Variants in PLXDC1 observed in about 807,000 individuals in gnomAD.
PLXDC1 encodes the protein plexin domain-containing protein 1.
A neutral mutation model predicts 61.3 loss-of-function variants in PLXDC1; 39 were observed. The ratio of observed to expected loss-of-function variants is 0.64; its 90% CI spans 0.49 to 0.83. The LOEUF is 0.83. Among genes scored for constraint, PLXDC1 ranks in the 40% least tolerant of loss-of-function variants. The probability of loss-of-function intolerance (pLI) is 0.00; values close to 1 mark genes in which losing one functional copy is unlikely to be tolerated. For synonymous variants in PLXDC1, 212 were observed against 254.5 expected (o/e 0.83, Z 1.59); for missense variants, 596 against 666.5 (o/e 0.89, Z 1.17).
At chr17:39,101,515 G>A (rs1437634046) in intron 7 of PLXDC1, among the ~76,000 whole-genome samples, 1 of 152,152 alleles carries the variant, frequency 6.6e-6, no homozygotes, top group South Asian at 2.1e-4. Flanking sequence ...GGTGAGGTGC[G>A]AGCCCCACAC....
chr17:39,099,153 C>T (rs1474663607), intron 7 of PLXDC1, among the ~76,000 whole-genome samples: 1 of 144,426 alleles, frequency 6.9e-6, no homozygotes, highest in Non-Finnish European at 1.5e-5. Context: ...TCCAACCGCT[C>T]CCACCACCGA....
chr17:39,099,434 G>T (rs1750799439), intron 7 of PLXDC1, among the ~76,000 whole-genome samples: 1 of 152,146 alleles, frequency 6.6e-6, no homozygotes, highest in South Asian at 2.1e-4. Context: ...ACACATCCCT[G>T]CCCCGACAGT....
chr17:39,076,091 G>GAAAAAAAAAAA (rs113083788), intron 11 of PLXDC1, among the ~76,000 whole-genome samples: 3 of 88,600 alleles, frequency 3.4e-5, no homozygotes, highest in East Asian at 3.1e-4. Context: ...AAAAAAAAAA[G>GAAAAAAAAAAA]AAAAAAAAAA....
chr17:39,146,090 A>ATTTTTTT (rs2045340819), intron 1 of PLXDC1, among the ~76,000 whole-genome samples: 1 of 97,250 alleles, frequency 1.0e-5, no homozygotes, highest in African/African-American at 6.3e-5. Flanking sequence ...TTTTTTTTTG[A>ATTTTTTT]GAGGGAATCT....
intron 2 of PLXDC1, among the ~76,000 whole-genome samples, chr17:39,132,704 C>T (rs941384677): frequency 5.9e-5 from 9 of 152,038 alleles, no homozygotes; most frequent in African/African-American, 2.2e-4. Flanking sequence ...GGCAGCTGGG[C>T]AGAGGGTCTG....
At chr17:39,147,536 A>G (rs984408283) in intron 1 of PLXDC1, among the ~76,000 whole-genome samples, 2 of 152,216 alleles carry the variant, frequency 1.3e-5, no homozygotes, top group African/African-American at 4.8e-5. Context: ...CCTCCAAGTT[A>G]CAAAGCCCCT....
At chr17:39,121,304 C>T (rs1025750597) in intron 2 of PLXDC1, among the ~76,000 whole-genome samples, 11 of 152,160 alleles carry the variant, frequency 7.2e-5, no homozygotes, top group African/African-American at 2.4e-4. Flanking sequence ...ATGACTTTGC[C>T]GGTAACTTCT....
At chr17:39,128,362 C>T (rs1911421337) in intron 2 of PLXDC1, among the ~76,000 whole-genome samples, 1 of 151,220 alleles carries the variant, frequency 6.6e-6, no homozygotes, top group South Asian at 2.1e-4. Context: ...GGATTACAGG[C>T]ACAAGCCACC....
At chr17:39,152,391 C>T (rs535337), upstream of PLXDC1, 52,461 of 644,510 alleles carry the variant, frequency 0.081, 2,305 homozygotes, top group East Asian at 0.11. Flanking sequence ...ATGGCTCACC[C>T]CACCTGTCAC....
At chr17:39,136,957 T>C (rs1911773519) in intron 2 of PLXDC1, among the ~76,000 whole-genome samples, 3 of 152,012 alleles carry the variant, frequency 2.0e-5, no homozygotes, top group African/African-American at 7.3e-5. Flanking sequence ...CATCTAACCA[T>C]GAGGAATTGT....
intron 1 of PLXDC1, among the ~76,000 whole-genome samples, chr17:39,150,182 C>T (rs2045364063): frequency 6.6e-6 from 1 of 152,188 alleles, no homozygotes; most frequent in Non-Finnish European, 1.5e-5. Flanking sequence ...TTCTCACCAG[C>T]AGCTTCTCGG....
At position 39,139,785 on chromosome 17, in the gene PLXDC1, G is replaced by T. The variant is rs750470314; in HGVS notation, c.124C>A (p.Arg42=). The T allele has an allele frequency of 4.3e-6, 7 of 1,613,458 alleles. No homozygotes were observed. In the African/African-American group the frequency reaches 8.0e-5, roughly 18 times the overall value. The change falls in exon 2 of 14, where the codon CGG becomes AGG. Residue 42 remains arginine, a synonymous_variant. Transcript: ENST00000315392. ...GSGWAAKGTV[R]GWNRRARESP... is the part of the protein sequence containing the mutation. ...TCTCGGGCTCTCCGGTTCCAGCCCC[G>T]CACGGTCCCTTTGGCAGCCCATCCA... is the stretch of plus-strand genomic sequence containing the variant.
At chr17:39,134,092 C>A (rs1199261826) in intron 2 of PLXDC1, among the ~76,000 whole-genome samples, 1 of 151,846 alleles carries the variant, frequency 6.6e-6, no homozygotes, top group Non-Finnish European at 1.5e-5. Context: ...CCCATCTCTA[C>A]TAAAAATACA....
Position 39,076,375 on chromosome 17 carries a change from G to C in PLXDC1, c.1186+1538C>G, listed in dbSNP as rs572295323. ...AATTTTTAAAAATTAGCCAGGTATG[G>C]TGGTACATGCCTGCAGTCCGAGCTG... On this transcript the variant is annotated intron_variant, in intron 11 of 13. Transcript: ENST00000315392. 1.1e-4 allele frequency among the ~76,000 whole-genome samples: 16 copies of C among 151,750 alleles called. No individual in the cohort carries two copies. In the South Asian group the frequency reaches 3.1e-3, roughly 30 times the overall value.
At chr17:39,078,178 T>A (rs947113144) in intron 10 of PLXDC1, 130 bp from the exon 11 acceptor site, 1 of 889,028 alleles carries the variant, frequency 1.1e-6, no homozygotes, top group Non-Finnish European at 1.7e-6. Flanking sequence ...GGGGCTGAGA[T>A]GCCAATCTTA....
In PLXDC1 at chr17:39,083,593, A is replaced by G. The variant is rs554623318; in HGVS notation, c.908-53T>C. On this transcript the variant is annotated intron_variant, in intron 8 of 13. Coordinates refer to ENST00000315392, the MANE Select transcript of PLXDC1 (RefSeq NM_020405.5). ...AGCACCGAGCCTCTCCTTGGGCTCC[A>G]AAGGGTGCAACTCTGAATTCCTGGT... 1,856 of 1,346,564 alleles carry G rather than the reference A, an allele frequency of 1.4e-3. 9 individuals are homozygous for G. The highest frequency in any genetic ancestry group is 1.3e-3 in the Non-Finnish European group (1,280 of 952,726). The allele number at this position is 1,346,564 out of a possible 1,614,324, so 83.4% of individuals were successfully genotyped here. A position where few individuals can be genotyped will look rare whatever the true frequency, so the allele number is the denominator to read the frequency against.
chr17:39,109,227 G>C (rs200066093), intron 3 of PLXDC1, 21 bp downstream of exon 3: 1 of 1,596,994 alleles, frequency 6.3e-7, no homozygotes. Context: ...GGGAAGCATG[G>C]CTGGCGACTG....
Position 39,069,967 on chromosome 17 carries a change from C to T in PLXDC1, c.1272G>A (p.Leu424=). The change falls in exon 13 of 14, where the codon CTG becomes CTA. Residue 424 remains leucine (L), a synonymous_variant. Transcript: ENST00000315392. ...CCAGCACGATGCCCACGATGGTGCC[C>T]AGGTGCACAGGAGTGCCCTTTGTCT... ...SPKTKGTPVH[L]GTIVGIVLAV... 1 of 1,613,644 alleles carries T rather than the reference C, an allele frequency of 6.2e-7. No individual in the cohort carries two copies. The highest frequency in any genetic ancestry group is 8.5e-7 in the Non-Finnish European group (1 of 1,179,594).
intron 11 of PLXDC1, among the ~76,000 whole-genome samples, chr17:39,076,601 C>G (rs981697420): frequency 6.6e-6 from 1 of 151,212 alleles, no homozygotes; most frequent in Admixed American, 6.6e-5. Context: ...TTCTTCTTTC[C>G]TTTCCTTCTT....
Sources: allele counts gnomAD v4.1 joint callset (sites outside exome capture counted in the v4.1 genomes callset), GRCh38; gene constraint gnomAD v4.1.1; transcripts MANE v1.5; gene names NCBI Gene and HGNC (gene_info 2026-07-23, HGNC 2026-07-21).